The following UQCC1 variants were observed in gnomAD, a reference collection of about 807,000 sequenced individuals.
UQCC1 encodes bFGF-repressed Zic-binding protein.
Under a neutral mutation model 48.0 loss-of-function variants are expected in UQCC1, and 38 were observed. The observed-to-expected ratio is 0.79, with a 90% CI of 0.61 to 1.04. The LOEUF (loss-of-function observed/expected upper bound fraction) is 1.04. Among genes scored for constraint, UQCC1 ranks in the 50% least tolerant of loss-of-function variants. The pLI is 0.00. For synonymous variants in UQCC1, 111 were observed against 129.2 expected, an observed-to-expected ratio of 0.86 and a Z score of 0.95; for missense variants, 368 against 381.8, an observed-to-expected ratio of 0.96 and a Z score of 0.30.
chr20:35,387,343 G>C (rs1242456385), intron 2 of UQCC1, among the ~76,000 whole-genome samples: 4 of 151,956 alleles, frequency 2.6e-5, no homozygotes, highest in Non-Finnish European at 1.5e-5. Flanking sequence ...AAGTAGAAAG[G>C]GGGTGCTGGG....
chr20:35,403,170 A>G (rs1339892381), intron 1 of UQCC1, among the ~76,000 whole-genome samples: 1 of 152,222 alleles, frequency 6.6e-6, no homozygotes, highest in African/African-American at 2.4e-5. Flanking sequence ...AAAGATTTGA[A>G]TAAATCAATA....
intron 6 of UQCC1, among the ~76,000 whole-genome samples, chr20:35,355,597 A>G (rs2061537951): frequency 6.6e-6 from 1 of 152,230 alleles, no homozygotes; most frequent in South Asian, 2.1e-4. Context: ...GCTGAATACC[A>G]ATTCTTAGGC....
intron 6 of UQCC1, among the ~76,000 whole-genome samples, chr20:35,354,599 T>C (rs1357932557): frequency 1.3e-5 from 2 of 152,120 alleles, no homozygotes; most frequent in Non-Finnish European, 2.9e-5. Context: ...GGTTTCACAG[T>C]GTTAGCCAGG....
At chr20:35,338,886 AAAAAAAAT>A (rs1600900710) in intron 7 of UQCC1, among the ~76,000 whole-genome samples, 1 of 56,758 alleles carries the variant, frequency 1.8e-5, no homozygotes, top group East Asian at 3.0e-4. Context: ...AAAAAAAAAA[AAAAAAAAT>A]ATATATATAT....
chr20:35,385,290 A>T (rs967588551), intron 2 of UQCC1, among the ~76,000 whole-genome samples: 3 of 152,186 alleles, frequency 2.0e-5, no homozygotes, highest in African/African-American at 7.2e-5. Context: ...CATCACCAGC[A>T]TTATTGTTTG....
At chr20:35,402,704 G>T (rs1195954270) in intron 1 of UQCC1, among the ~76,000 whole-genome samples, 2 of 151,508 alleles carry the variant, frequency 1.3e-5, no homozygotes, top group Non-Finnish European at 2.9e-5. Flanking sequence ...GAGGCACAAG[G>T]ATCGCTTGAA....
At chr20:35,381,215 T>G (rs2061863148) in intron 4 of UQCC1, among the ~76,000 whole-genome samples, 1 of 152,138 alleles carries the variant, frequency 6.6e-6, no homozygotes, top group South Asian at 2.1e-4. Context: ...ATAATAAGAA[T>G]TACAATAGAT....
chr20:35,406,509 T>C (rs938899479), intron 1 of UQCC1, among the ~76,000 whole-genome samples: 8 of 152,210 alleles, frequency 5.3e-5, no homozygotes. Flanking sequence ...GCAAAACTAT[T>C]ATTCAAAAGT....
intron 1 of UQCC1, among the ~76,000 whole-genome samples, chr20:35,405,850 A>G (rs1464604901): frequency 3.3e-5 from 5 of 152,192 alleles, no homozygotes; most frequent in African/African-American, 9.6e-5. Context: ...ATGGCACCAA[A>G]GAGAATATCA....
intron 2 of UQCC1, among the ~76,000 whole-genome samples, chr20:35,391,874 C>T (rs1297119791): frequency 2.6e-5 from 4 of 152,102 alleles, no homozygotes; most frequent in Non-Finnish European, 4.4e-5. Context: ...AATGCTACTA[C>T]TTTTACAACT....
chr20:35,306,519 C>T, intron 9 of UQCC1, 147 bp downstream of exon 9: 1 of 628,738 alleles, frequency 1.6e-6, no homozygotes, highest in Non-Finnish European at 2.8e-6. Context: ...AGAAGGCGCT[C>T]CTTCTTCAGC....
chr20:35,378,415 C>T (rs1296130986), intron 4 of UQCC1, among the ~76,000 whole-genome samples: 1 of 152,034 alleles, frequency 6.6e-6, no homozygotes, highest in Non-Finnish European at 1.5e-5. Flanking sequence ...AGTTCTGAGA[C>T]CAGCCTGGCC....
intron 7 of UQCC1, among the ~76,000 whole-genome samples, chr20:35,319,421 C>A (rs966247015): frequency 1.3e-5 from 2 of 152,112 alleles, no homozygotes; most frequent in Non-Finnish European, 2.9e-5. Flanking sequence ...GTAACACACT[C>A]AATAAATTAT....
At chr20:35,378,457 T>C (rs6142363) in intron 4 of UQCC1, among the ~76,000 whole-genome samples, 82,326 of 151,666 alleles carry the variant, frequency 0.54, 23,370 homozygotes, top group East Asian at 0.71. Context: ...TGATGAAACC[T>C]CATCTCTACT....
At chr20:35,392,598 G>A (rs1601009455) in intron 2 of UQCC1, among the ~76,000 whole-genome samples, 1 of 152,062 alleles carries the variant, frequency 6.6e-6, no homozygotes, top group East Asian at 1.9e-4. Flanking sequence ...CACAGCCCAA[G>A]CTCTGAAAAG....
chr20:35,405,480 G>A (rs2062237869), intron 1 of UQCC1, among the ~76,000 whole-genome samples: 1 of 152,134 alleles, frequency 6.6e-6, no homozygotes, highest in African/African-American at 2.4e-5. Context: ...CATACACAGG[G>A]GGAAAAAATG....
intron 5 of UQCC1, among the ~76,000 whole-genome samples, chr20:35,369,300 C>T (rs903073089): frequency 4.6e-5 from 7 of 152,332 alleles, no homozygotes; most frequent in African/African-American, 1.4e-4. Context: ...GGGTAAAGCC[C>T]TAAAAAGTAA....
intron 4 of UQCC1, among the ~76,000 whole-genome samples, chr20:35,381,521 C>T (rs1600985217): frequency 3.3e-5 from 5 of 152,234 alleles, no homozygotes; most frequent in Middle Eastern, 3.4e-3. Flanking sequence ...GGTTGTGGCA[C>T]GTGGGCAAAG....
At chr20:35,407,727 A>G (rs2062273333) in intron 1 of UQCC1, among the ~76,000 whole-genome samples, 1 of 152,174 alleles carries the variant, frequency 6.6e-6, no homozygotes, top group African/African-American at 2.4e-5. Context: ...CTCTACTAAA[A>G]ATACAAAATT....
Sources: gnomAD v4.1 joint callset for allele counts (sites outside exome capture counted in the v4.1 genomes callset) on GRCh38, gnomAD v4.1.1 for gene constraint, MANE v1.5 for transcripts, NCBI Gene and HGNC (gene_info 2026-07-23, HGNC 2026-07-21) for gene names.